The following PPP2R5C variants were observed in gnomAD, a reference collection of about 807,000 sequenced individuals.
PPP2R5C encodes the protein protein phosphatase 2 regulatory subunit B'gamma, also known as serine/threonine-protein phosphatase 2A 56 kDa regulatory subunit gamma isoform.
In PPP2R5C, 7 loss-of-function variants were observed where a neutral mutation model predicts 68.9. The observed-to-expected ratio is 0.10, with a 90% CI of 0.06 to 0.19. The LOEUF (loss-of-function observed/expected upper bound fraction) is 0.19, where lower values mean the gene tolerates loss of function less well. Among genes scored for constraint, PPP2R5C ranks in the 10% least tolerant of loss-of-function variants. The pLI, the probability that PPP2R5C is intolerant of heterozygous loss-of-function variation, is 1.00. For synonymous variants in PPP2R5C, 210 were observed against 222.2 expected (o/e 0.95, Z 0.49); for missense variants, 348 against 641.3 (o/e 0.54, Z 4.94).
chr14:101,859,383 G>A (rs1169321943), intron 2 of PPP2R5C, among the ~76,000 whole-genome samples: 1 of 152,236 alleles, frequency 6.6e-6, no homozygotes, highest in Non-Finnish European at 1.5e-5. Context: ...GAAACTGGGT[G>A]ATGAATTAGA....
intron 1 of PPP2R5C, chr14:101,824,123 C>A: frequency 7.8e-7 from 1 of 1,287,838 alleles, no homozygotes; most frequent in Non-Finnish European, 1.0e-6. Flanking sequence ...CCGAGAGATT[C>A]ATGTTCAAGC....
At chr14:101,893,420 A>G (rs1393063730) in intron 7 of PPP2R5C, among the ~76,000 whole-genome samples, 1 of 152,200 alleles carries the variant, frequency 6.6e-6, no homozygotes, top group Admixed American at 6.5e-5. Context: ...CAGTACCTTA[A>G]AGAGAAAAGC....
chr14:101,761,746 A>T, upstream of PPP2R5C: 1 of 950,402 alleles, frequency 1.1e-6, no homozygotes, highest in African/African-American at 2.1e-5. Context: ...AGTCTGGAAA[A>T]GGGGAAGCGA....
intron 1 of PPP2R5C, chr14:101,843,386 ATTTTC>A (rs1488302168): frequency 4.6e-6 from 1 of 218,002 alleles, no homozygotes; most frequent in Non-Finnish European, 9.5e-6. Context: ...TTAACTGTTT[ATTTTC>A]TTAAAGAGAC....
intron 8 of PPP2R5C, among the ~76,000 whole-genome samples, 183 bp from the exon 11 acceptor site, chr14:101,901,536 T>A (rs1348885565): frequency 6.6e-6 from 1 of 152,218 alleles, no homozygotes; most frequent in Non-Finnish European, 1.5e-5. Context: ...CAGACAGACC[T>A]ACTTCTCAAA....
At chr14:101,901,219 G>A (rs1468064460) in intron 8 of PPP2R5C, among the ~76,000 whole-genome samples, 1 of 152,018 alleles carries the variant, frequency 6.6e-6, no homozygotes, top group African/African-American at 2.4e-5. Flanking sequence ...AATGCTCTGT[G>A]TTTTCTCCGT....
At chr14:101,894,391 G>T in intron 7 of PPP2R5C, 116 bp from the exon 10 acceptor site, 3 of 865,536 alleles carry the variant, frequency 3.5e-6, no homozygotes, top group Non-Finnish European at 3.8e-6. Context: ...CAAGGGCTTT[G>T]TCTGTACCGT....
intron 9 of PPP2R5C, among the ~76,000 whole-genome samples, chr14:101,904,554 A>G (rs2045915732): frequency 6.6e-6 from 1 of 152,104 alleles, no homozygotes; most frequent in Non-Finnish European, 1.5e-5. Context: ...CCGCACTCTC[A>G]TGCATGCCCT....
At chr14:101,766,710 A>G (rs1421859168) in intron 2 of PPP2R5C, 2 of 152,252 alleles carry the variant, frequency 1.3e-5, no homozygotes, top group African/African-American at 4.8e-5. Context: ...TTTCATAGGA[A>G]GTCTTAAGGA....
chr14:101,764,701 T>C (rs938302966), intron 2 of PPP2R5C, among the ~76,000 whole-genome samples: 1 of 152,192 alleles, frequency 6.6e-6, no homozygotes, highest in Non-Finnish European at 1.5e-5. Flanking sequence ...TGTGCCATGC[T>C]GGGATTTGAC....
At chr14:101,831,549 C>G (rs78750166) in intron 1 of PPP2R5C, among the ~76,000 whole-genome samples, 1,529 of 152,292 alleles carry the variant, frequency 0.01, 24 homozygotes, top group African/African-American at 0.035. Flanking sequence ...AAGGAAGATG[C>G]TTATCATCCT....
At position 101,884,823 on chromosome 14, in the gene PPP2R5C, G is replaced by A. The variant is rs367826415; in HGVS notation, c.629+1261G>A. Among the ~76,000 whole-genome samples, 5 of 152,326 alleles carry A rather than the reference G, an allele frequency of 3.3e-5. No homozygotes were observed. The East Asian group carries it at 5.8e-4, about 18-fold the overall frequency. The stretch of plus-strand genomic sequence containing the variant: ...GACTTGGCGGTGGGTCTGGTCTCCC[G>A]CAAGGGCAGCCACCATGTCAGTTGA... On this transcript the variant is annotated intron_variant, in intron 5 of 13. Transcript: ENST00000334743.
exon 14 of PPP2R5C, chr14:101,925,640 G>A (rs1269385954): frequency 6.0e-6 from 1 of 165,518 alleles, no homozygotes; most frequent in Non-Finnish European, 1.3e-5. Context: ...TAACATCAGT[G>A]TTTTCCAAAT....
At chr14:101,898,687 C>G (rs1021350253) in intron 8 of PPP2R5C, among the ~76,000 whole-genome samples, 1 of 152,188 alleles carries the variant, frequency 6.6e-6, no homozygotes, top group African/African-American at 2.4e-5. Flanking sequence ...CCCCGATGTT[C>G]CCACCCGGGG....
At chr14:101,838,198 A>G (rs1566890245) in intron 1 of PPP2R5C, among the ~76,000 whole-genome samples, 1 of 152,220 alleles carries the variant, frequency 6.6e-6, no homozygotes, top group Non-Finnish European at 1.5e-5. Flanking sequence ...CAGGTTTTGG[A>G]AGGGGGCAGA....
At position 101,853,890 on chromosome 14, in the gene PPP2R5C, C is replaced by CA. The variant is rs545491029; in HGVS notation, c.95-2795dup. 1.3e-3 allele frequency among the ~76,000 whole-genome samples: 202 copies of CA among 152,260 alleles called. 1 individual carries two copies. In the Middle Eastern group the frequency reaches 0.014, roughly 10 times the overall value. On this transcript the variant is annotated intron_variant, in intron 1 of 13. Transcript: ENST00000334743. ...GCTCTTAGGGAGAACGGTGGACTCT[C>CA]AGTTCTCTGTAGTGCCAAGAATGTG...
intron 9 of PPP2R5C, among the ~76,000 whole-genome samples, chr14:101,903,245 C>T (rs1327486991): frequency 2.6e-5 from 4 of 152,120 alleles, no homozygotes; most frequent in Admixed American, 1.3e-4. Flanking sequence ...AATTAGCTAT[C>T]GCTATGGGTA....
At chr14:101,802,099 G>A (rs940771042) in intron 3 of PPP2R5C, among the ~76,000 whole-genome samples, 9 of 152,192 alleles carry the variant, frequency 5.9e-5, no homozygotes, top group African/African-American at 2.2e-4. Context: ...TGGGAAAACT[G>A]GGTACTCACA....
intron 3 of PPP2R5C, among the ~76,000 whole-genome samples, chr14:101,800,538 G>A (rs1432573415): frequency 6.6e-6 from 1 of 151,922 alleles, no homozygotes; most frequent in Admixed American, 6.5e-5. Flanking sequence ...ACTCCAGCCT[G>A]GGCAACAGAG....
Sources: gnomAD v4.1 joint callset for allele counts (sites outside exome capture counted in the v4.1 genomes callset) on GRCh38, gnomAD v4.1.1 for gene constraint, MANE v1.5 for transcripts, NCBI Gene and HGNC (gene_info 2026-07-23, HGNC 2026-07-21) for gene names.